CYP24A1: variants seen among roughly 807,000 people sequenced by gnomAD.
The protein encoded by CYP24A1 is 1,25-dihydroxyvitamin D(3) 24-hydroxylase, mitochondrial.
In CYP24A1, 68 loss-of-function variants were observed where a neutral mutation model predicts 62.4. The ratio of observed to expected loss-of-function variants is 1.09; its 90% CI spans 0.90 to 1.33. The LOEUF is 1.33. Among genes scored for constraint, CYP24A1 ranks in the 40% most tolerant of loss-of-function variants. CYP24A1 has a pLI of 0.00. For missense variants in CYP24A1, 787 were observed against 653.0 expected, an observed-to-expected ratio of 1.21 and a Z score of -2.24; for synonymous variants, 267 against 253.0, an observed-to-expected ratio of 1.06 and a Z score of -0.52.
chr20:54,165,683 T>C (rs1327553993), intron 5 of CYP24A1, 59 bp downstream of exon 5: 4 of 909,334 alleles, frequency 4.4e-6, no homozygotes, highest in Non-Finnish European at 7.5e-6. Context: ...TGAAGTTCTG[T>C]AAAAATCGAT....
intron 9 of CYP24A1, 106 bp from the exon 10 acceptor site, chr20:54,157,691 A>T: frequency 2.5e-6 from 2 of 791,096 alleles, no homozygotes; most frequent in East Asian, 4.9e-5. Flanking sequence ...CAAATCCACA[A>T]ATTTATAATA....
At chr20:54,159,898 C>T (rs2092644141) in intron 7 of CYP24A1, among the ~76,000 whole-genome samples, 1 of 152,028 alleles carries the variant, frequency 6.6e-6, no homozygotes, top group Admixed American at 6.6e-5. Context: ...TGTGAATCTA[C>T]AATGATCTCA....
At chr20:54,147,336 C>T in the CYP24A1 span, among the ~76,000 whole-genome samples, 2 of 152,080 alleles carry the variant, frequency 1.3e-5, no homozygotes, top group African/African-American at 4.8e-5. Flanking sequence ...AATGAGATGC[C>T]CTAAAAACCA....
chr20:54,150,172 C>A (rs2092610415), downstream of CYP24A1, among the ~76,000 whole-genome samples: 1 of 152,116 alleles, frequency 6.6e-6, no homozygotes, highest in South Asian at 2.1e-4. Context: ...TTACGGTATA[C>A]TTTACAGATA....
At chr20:54,152,618 C>T (rs913166665), downstream of CYP24A1, among the ~76,000 whole-genome samples, 4 of 152,192 alleles carry the variant, frequency 2.6e-5, no homozygotes, top group African/African-American at 9.7e-5. Context: ...GGGAAGAACC[C>T]TCTTGCTAGC....
chr20:54,164,465 G>T lies in CYP24A1; in HGVS notation c.831C>A (p.Thr277=), dbSNP rs368898455. 6.2e-7 allele frequency: 1 copy of T among 1,614,126 alleles called. No individual in the cohort carries two copies. The highest frequency in any genetic ancestry group is 8.5e-7 in the Non-Finnish European group (1 of 1,180,016). ...GCGGCCCTTTACCTGATTTGAAAAT[G>T]GTGTCCCAGGCCAGAGTGTGGTCCT... ...VWQDHTLAWD[T]IFKSVKACID... The change falls in exon 6 of 12, where the codon ACC becomes ACA. Residue 277 remains threonine, a synonymous_variant. Coordinates refer to ENST00000216862, the MANE Select transcript of CYP24A1 (RefSeq NM_000782.5).
At chr20:54,151,258 G>A (rs1011096535), downstream of CYP24A1, among the ~76,000 whole-genome samples, 12 of 152,154 alleles carry the variant, frequency 7.9e-5, no homozygotes, top group African/African-American at 2.9e-4. Context: ...TCCTGATGTT[G>A]CCATGGCATT....
At chr20:54,148,568 T>G (rs2092608080), downstream of CYP24A1, among the ~76,000 whole-genome samples, 1 of 152,084 alleles carries the variant, frequency 6.6e-6, no homozygotes, top group Admixed American at 6.6e-5. Context: ...GCAGGTAAAG[T>G]ACAAGATCAG....
chr20:54,173,699 C>T lies in CYP24A1; in HGVS notation c.-120G>A. ...GGGAAAAGGAAGCAAAGAGGGCCAG[C>T]TGGTGTGATGGAGCGGGGTGAGGCG... is the stretch of plus-strand genomic sequence containing the variant. On this transcript the variant is annotated 5_prime_UTR_variant, in exon 1 of 12. Transcript: ENST00000216862. The surrounding 1 kb of genome is among the most constrained non-coding windows in gnomAD (Gnocchi z 7.2). 1 of 687,698 alleles carries T rather than the reference C, an allele frequency of 1.5e-6. No homozygotes were observed. The highest frequency in any genetic ancestry group is 2.5e-6 in the Non-Finnish European group (1 of 402,564). 42.6% of individuals were successfully genotyped at this position (687,698 alleles called of 1,614,324 possible). A position where few individuals can be genotyped will look rare whatever the true frequency, so the allele number is the denominator to read the frequency against.
intron 3 of CYP24A1, among the ~76,000 whole-genome samples, chr20:54,170,956 T>C (rs999778059): frequency 6.6e-6 from 1 of 152,116 alleles, no homozygotes; most frequent in African/African-American, 2.4e-5. Flanking sequence ...CTTAGTATAA[T>C]ACAAAAATAT....
chr20:54,145,309 A>G, the CYP24A1 span, among the ~76,000 whole-genome samples: 1 of 151,472 alleles, frequency 6.6e-6, no homozygotes, highest in Non-Finnish European at 1.5e-5. Context: ...AGATGGAATT[A>G]GTGTTGGAAA....
chr20:54,143,601 T>C, the CYP24A1 span, among the ~76,000 whole-genome samples: 1 of 152,106 alleles, frequency 6.6e-6, no homozygotes, highest in Admixed American at 6.5e-5. Context: ...AGGTGGTATT[T>C]GGTTACATGA....
At chr20:54,160,736 A>G (rs575128593) in intron 7 of CYP24A1, among the ~76,000 whole-genome samples, 3 of 152,372 alleles carry the variant, frequency 2.0e-5, no homozygotes, top group South Asian at 4.1e-4. Flanking sequence ...AGATTTAACC[A>G]TATCAGTGAG....
chr20:54,166,694 C>T (rs1051330030), intron 4 of CYP24A1, among the ~76,000 whole-genome samples: 2 of 151,932 alleles, frequency 1.3e-5, no homozygotes, highest in Admixed American at 1.3e-4. Flanking sequence ...TAAAATGTTC[C>T]CCATTGTCCT....
chr20:54,157,106 C>A, intron 11 of CYP24A1, 63 bp downstream of exon 11: 1 of 838,496 alleles, frequency 1.2e-6, no homozygotes, highest in Non-Finnish European at 2.0e-6. Context: ...GACTTCCCAG[C>A]ATAGCTCATC....
At chr20:54,158,879 G>A in intron 8 of CYP24A1, 78 bp downstream of exon 8, 2 of 1,610,114 alleles carry the variant, frequency 1.2e-6, no homozygotes, top group Non-Finnish European at 1.7e-6. Context: ...AGCCGCCCAT[G>A]AGTAGGGGAC....
At chr20:54,160,247 G>A (rs936031178) in intron 7 of CYP24A1, among the ~76,000 whole-genome samples, 3 of 152,216 alleles carry the variant, frequency 2.0e-5, no homozygotes, top group African/African-American at 7.2e-5. Flanking sequence ...ACCCTTTTAA[G>A]TGGCATCTTT....
downstream of CYP24A1, among the ~76,000 whole-genome samples, chr20:54,152,593 C>T (rs532061486): frequency 1.4e-4 from 22 of 152,110 alleles, no homozygotes; most frequent in Non-Finnish European, 2.6e-4. Context: ...AAGAGCATGC[C>T]GGGAGGGAGA....
In CYP24A1 at chr20:54,173,677, A is replaced by G. The variant is rs986006637; in HGVS notation, c.-98T>C. On this transcript the variant is annotated 5_prime_UTR_variant, in exon 1 of 12. Coordinates refer to ENST00000216862, the MANE Select transcript of CYP24A1 (RefSeq NM_000782.5). The surrounding 1 kb of genome is among the most constrained non-coding windows in gnomAD (Gnocchi z 7.2). ...GGAGTCGGGGCTTAACGATTCTGGG[A>G]AAAGGAAGCAAAGAGGGCCAGCTGG... 5 of 804,512 alleles carry G rather than the reference A, an allele frequency of 6.2e-6. No homozygotes were observed. The highest frequency in any genetic ancestry group is 3.3e-5 in the South Asian group (2 of 60,234). 49.8% of individuals were successfully genotyped at this position (804,512 alleles called of 1,614,324 possible).
Sources: allele counts gnomAD v4.1 joint callset (sites outside exome capture counted in the v4.1 genomes callset), GRCh38; gene constraint gnomAD v4.1.1; non-coding constraint Gnocchi (gnomAD v3.1); transcripts MANE v1.5; gene names NCBI Gene and HGNC (gene_info 2026-07-23, HGNC 2026-07-21).